Variants in CHST9 observed in about 807,000 individuals in gnomAD.
CHST9 encodes the protein carbohydrate sulfotransferase 9.
In CHST9, 41 loss-of-function variants were observed where a neutral mutation model predicts 44.4. That is an observed-to-expected ratio of 0.92 (90% confidence interval 0.72 to 1.20). The LOEUF (loss-of-function observed/expected upper bound fraction) is 1.20. Ranked by LOEUF, CHST9 falls within the 50% of genes most tolerant of loss-of-function variation. CHST9 has a pLI of 0.00. For synonymous variants in CHST9, 171 were observed against 178.4 expected (o/e 0.96, Z 0.33); for missense variants, 504 against 516.5 (o/e 0.98, Z 0.23).
chr18:27,004,822 A>G (rs536372948), intron 4 of CHST9, among the ~76,000 whole-genome samples: 1 of 152,290 alleles, frequency 6.6e-6, no homozygotes, highest in African/African-American at 2.4e-5. Context: ...GTTTTTCTTT[A>G]TGAATTAATT....
intron 3 of CHST9, among the ~76,000 whole-genome samples, chr18:27,028,583 A>C (rs1414699977): frequency 3.3e-5 from 5 of 151,836 alleles, no homozygotes; most frequent in Non-Finnish European, 7.4e-5. Context: ...AGTCTCGCTC[A>C]GTCGCCCAGG....
intron 2 of CHST9, among the ~76,000 whole-genome samples, chr18:27,058,540 T>C (rs1469387098): frequency 6.6e-6 from 1 of 152,110 alleles, no homozygotes; most frequent in East Asian, 1.9e-4. Context: ...CTTTCCATCT[T>C]TAAAAACGTG....
intron 4 of CHST9, among the ~76,000 whole-genome samples, chr18:26,981,685 T>C (rs1279148806): frequency 2.6e-5 from 4 of 152,212 alleles, no homozygotes; most frequent in Non-Finnish European, 5.9e-5. Flanking sequence ...CAGTGCTTTG[T>C]AGTTAACAAA....
At position 27,029,609 on chromosome 18, in the gene CHST9, T is replaced by C. The variant is rs1467909200; in HGVS notation, c.161-5452A>G. Among the ~76,000 whole-genome samples, 3 of 152,224 alleles carry C rather than the reference T, an allele frequency of 2.0e-5. No individual in the cohort carries two copies. The East Asian group carries it at 5.8e-4, about 29-fold the overall frequency. ...ATACTCAAGTCCTTGATATATATCA[T>C]GTGCATATCACCTATGCACATTCTC... On this transcript the variant is annotated intron_variant, in intron 3 of 5. Coordinates refer to ENST00000618847, the MANE Select transcript of CHST9 (RefSeq NM_031422.6).
chr18:27,174,070 A>C (rs976784546), intron 1 of CHST9, among the ~76,000 whole-genome samples: 1 of 151,942 alleles, frequency 6.6e-6, no homozygotes, highest in Non-Finnish European at 1.5e-5. Flanking sequence ...TATGATGATC[A>C]CACTCAAGAA....
At chr18:27,042,831 A>C (rs2057460766) in intron 3 of CHST9, among the ~76,000 whole-genome samples, 3 of 140,686 alleles carry the variant, frequency 2.1e-5, no homozygotes, top group African/African-American at 8.0e-5. Flanking sequence ...CTTCCTTCTC[A>C]CTCTCCTTCC....
At chr18:27,045,192 G>A (rs1367937375) in intron 3 of CHST9, among the ~76,000 whole-genome samples, 1 of 151,888 alleles carries the variant, frequency 6.6e-6, no homozygotes, top group Non-Finnish European at 1.5e-5. Context: ...GTCCACTAGG[G>A]CTATTCTTTC....
intron 5 of CHST9, chr18:26,934,273 C>T (rs1182810772): frequency 6.7e-6 from 1 of 149,762 alleles, no homozygotes; most frequent in African/African-American, 2.5e-5. Flanking sequence ...CTTGCTCTGT[C>T]CCCCAGGCTG....
chr18:26,993,294 T>A (rs1057331763), intron 4 of CHST9, among the ~76,000 whole-genome samples: 33 of 152,212 alleles, frequency 2.2e-4, no homozygotes, highest in Non-Finnish European at 4.4e-5. Flanking sequence ...AGCTTTTTTT[T>A]AAAATAGGAA....
intron 2 of CHST9, among the ~76,000 whole-genome samples, chr18:27,076,099 A>G (rs935355779): frequency 6.6e-6 from 1 of 152,250 alleles, no homozygotes; most frequent in African/African-American, 2.4e-5. Context: ...AAATTACTGA[A>G]TCTGACATTT....
chr18:26,972,510 G>A (rs1470441022), intron 4 of CHST9, among the ~76,000 whole-genome samples: 1 of 150,274 alleles, frequency 6.7e-6, no homozygotes, highest in African/African-American at 2.4e-5. Context: ...AAGGGAGAGA[G>A]AGCATGGCCG....
At position 26,912,292 on chromosome 18, in the gene CHST9, C is replaced by A. The variant is rs2055450170; in HGVS notation, c.*3967G>T. Reference sequence around the variant, plus strand: ...TTGTGGGGAGGAAACCTAATTTCTTCCAAAGTCTTTGAACCTGTCAGTTTA... The same window carrying A: ...TTGTGGGGAGGAAACCTAATTTCTTACAAAGTCTTTGAACCTGTCAGTTTA... On this transcript the variant is annotated 3_prime_UTR_variant, in exon 6 of 6. Transcript: ENST00000618847. 1 of 151,128 alleles carries A rather than the reference C, an allele frequency of 6.6e-6. No individual in the cohort carries two copies. Among genetic ancestry groups the A allele is most frequent in the Non-Finnish European group, 1.5e-5 (1 of 67,900 alleles). 9.4% of individuals were successfully genotyped at this position (151,128 alleles called of 1,614,324 possible).
At chr18:27,162,254 T>G (rs2058753516) in intron 1 of CHST9, among the ~76,000 whole-genome samples, 1 of 152,196 alleles carries the variant, frequency 6.6e-6, no homozygotes, top group East Asian at 1.9e-4. Flanking sequence ...TACTGGTTGT[T>G]CCTTTCCATG....
chr18:27,150,622 GT>G (rs1187058816), intron 1 of CHST9, among the ~76,000 whole-genome samples: 5 of 152,230 alleles, frequency 3.3e-5, no homozygotes, highest in Middle Eastern at 3.4e-3. Context: ...ATGTCTTCCT[GT>G]TTTTTCATTT....
chr18:27,107,365 G>A (rs2058230854), intron 2 of CHST9, among the ~76,000 whole-genome samples: 1 of 152,174 alleles, frequency 6.6e-6, no homozygotes, highest in South Asian at 2.1e-4. Flanking sequence ...TTGGTCGCCT[G>A]TTCAGTTCAT....
intron 4 of CHST9, among the ~76,000 whole-genome samples, chr18:26,947,996 C>G (rs1433533268): frequency 1.3e-5 from 2 of 152,134 alleles, no homozygotes. Context: ...TGGAACCAAC[C>G]TAAATGCCCA....
At chr18:26,989,573 A>AT (rs1270726456) in intron 4 of CHST9, among the ~76,000 whole-genome samples, 1 of 152,212 alleles carries the variant, frequency 6.6e-6, no homozygotes, top group Non-Finnish European at 1.5e-5. Flanking sequence ...CTTCCTAGGC[A>AT]TTTTTCCCAA....
chr18:27,043,004 T>C (rs946824203), intron 3 of CHST9, among the ~76,000 whole-genome samples: 6 of 152,120 alleles, frequency 3.9e-5, no homozygotes, highest in African/African-American at 1.2e-4. Flanking sequence ...GTGCTTATTT[T>C]ACTTGCTCAC....
intron 4 of CHST9, among the ~76,000 whole-genome samples, chr18:27,002,270 T>C (rs2056963176): frequency 6.6e-6 from 1 of 151,978 alleles, no homozygotes; most frequent in African/African-American, 2.4e-5. Context: ...AAGGCTACAA[T>C]AGCCTTGCTA....
Sources: gnomAD v4.1 joint callset for allele counts (sites outside exome capture counted in the v4.1 genomes callset) on GRCh38, gnomAD v4.1.1 for gene constraint, MANE v1.5 for transcripts, NCBI Gene and HGNC (gene_info 2026-07-23, HGNC 2026-07-21) for gene names.